The following RWDD2B variants were observed in gnomAD, a reference collection of about 807,000 sequenced individuals.
The protein encoded by RWDD2B is RWD domain-containing protein 2B.
In RWDD2B, 36 loss-of-function variants were observed where a neutral mutation model predicts 33.6. That is an observed-to-expected ratio of 1.07 (90% CI 0.82 to 1.42). The LOEUF (loss-of-function observed/expected upper bound fraction) is 1.42. RWDD2B is among the 40% of genes most tolerant of loss of function. The pLI is 0.00. For missense variants in RWDD2B, 364 were observed against 377.5 expected, an observed-to-expected ratio of 0.96 and a Z score of 0.30; for synonymous variants, 126 against 133.1, an observed-to-expected ratio of 0.95 and a Z score of 0.37.
intron 1 of RWDD2B, among the ~76,000 whole-genome samples, chr21:29,017,182 T>C (rs566404896): frequency 1.3e-5 from 2 of 152,114 alleles, no homozygotes; most frequent in African/African-American, 4.8e-5. Flanking sequence ...CTTATTACTA[T>C]TATTATTATT....
rs964367969 is a variant in RWDD2B at position 29,011,092 on chromosome 21, C to T, written c.68-2471G>A. The stretch of plus-strand genomic sequence containing the variant: ...TGCAGCCTCTGCCCGGCCGCCACCC[C>T]GTCTGGGAAGTGAGGAGCGTCTCTG... On this transcript the variant is annotated intron_variant, in intron 1 of 4. Coordinates refer to ENST00000493196, the MANE Select transcript of RWDD2B (RefSeq NM_016940.3). 5.7e-4 allele frequency among the ~76,000 whole-genome samples: 87 copies of T among 152,076 alleles called. 1 individual carries two copies. Among genetic ancestry groups the T allele is most frequent in the Non-Finnish European group, 2.1e-4 (14 of 67,996 alleles).
chr21:29,012,171 T>G (rs1407966572), intron 1 of RWDD2B, among the ~76,000 whole-genome samples: 15 of 36,260 alleles, frequency 4.1e-4, no homozygotes, highest in South Asian at 1.7e-3. Flanking sequence ...GAGGTGGGGG[T>G]GGTCAGCCCC....
chr21:29,013,545 C>T lies in RWDD2B; in HGVS notation c.68-4924G>A, dbSNP rs1002231924. On this transcript the variant is annotated intron_variant, in intron 1 of 4. Transcript: ENST00000493196. The stretch of plus-strand genomic sequence containing the variant: ...TCTACTAAAAACACAAAAAATTAGC[C>T]GGGCGTGGTGGCCGGCGCCTGTAGT... 7.2e-5 allele frequency among the ~76,000 whole-genome samples: 11 copies of T among 151,966 alleles called. No individual in the cohort carries two copies. In the South Asian group the frequency reaches 1.0e-3, roughly 14 times the overall value.
intron 1 of RWDD2B, among the ~76,000 whole-genome samples, chr21:29,008,896 G>A (rs2084843272): frequency 6.6e-6 from 1 of 152,130 alleles, no homozygotes; most frequent in South Asian, 2.1e-4. Flanking sequence ...CTAGATAGTT[G>A]AGTGGACAAC....
intron 1 of RWDD2B, among the ~76,000 whole-genome samples, chr21:29,017,498 G>A (rs1366774651): frequency 6.6e-6 from 1 of 152,018 alleles, no homozygotes; most frequent in Non-Finnish European, 1.5e-5. Context: ...TGTAGTCCCA[G>A]CTACTAGGGA....
chr21:29,011,487 G>T (rs1231741507), intron 1 of RWDD2B, among the ~76,000 whole-genome samples: 2 of 151,832 alleles, frequency 1.3e-5, no homozygotes, highest in Admixed American at 1.3e-4. Context: ...ACCCCGTCTG[G>T]GAAGTGAGGA....
At chr21:29,012,480 C>A (rs1183532951) in intron 1 of RWDD2B, among the ~76,000 whole-genome samples, 1 of 151,860 alleles carries the variant, frequency 6.6e-6, no homozygotes, top group Non-Finnish European at 1.5e-5. Flanking sequence ...TACCCCCAAC[C>A]CTGTGCTCTC....
chr21:29,010,431 AC>A (rs2084850513), intron 1 of RWDD2B, among the ~76,000 whole-genome samples: 1 of 150,216 alleles, frequency 6.7e-6, no homozygotes, highest in African/African-American at 2.5e-5. Flanking sequence ...ACATAACGAA[AC>A]CCTGTCTCTA....
intron 1 of RWDD2B, among the ~76,000 whole-genome samples, chr21:29,011,453 G>A (rs554611116): frequency 6.6e-4 from 100 of 151,406 alleles, no homozygotes; most frequent in Non-Finnish European, 1.1e-3. Context: ...TCTGAGAAGT[G>A]AGGAGCCCCT....
rs1164526201 is a variant in RWDD2B at position 29,007,662 on chromosome 21, G to A, written c.725+99C>T. ...TTATGGCATCACTGTTTTATGTGTT[G>A]TCCACTGTTGACCAAAACGTCACTA... On this transcript the variant is annotated intron_variant, in intron 4 of 4. Coordinates refer to ENST00000493196, the MANE Select transcript of RWDD2B (RefSeq NM_016940.3). 10 of 1,300,672 alleles carry A rather than the reference G, an allele frequency of 7.7e-6. No individual in the cohort carries two copies. The Admixed American group carries it at 1.8e-4, about 23-fold the overall frequency. 80.6% of individuals were successfully genotyped at this position (1,300,672 alleles called of 1,614,324 possible). A position where few individuals can be genotyped will look rare whatever the true frequency, so the allele number is the denominator to read the frequency against.
Position 29,007,751 on chromosome 21 carries a change from A to G in RWDD2B, c.725+10T>C, listed in dbSNP as rs769650512. Reference sequence around the variant, plus strand: ...TTGACATGACTTCATATACATATGTAAAAGCAAACCTTGACCAGAATTCTT... The same window carrying G: ...TTGACATGACTTCATATACATATGTGAAAGCAAACCTTGACCAGAATTCTT... On this transcript the variant is annotated intron_variant, in intron 4 of 4. Coordinates refer to ENST00000493196, the MANE Select transcript of RWDD2B (RefSeq NM_016940.3). The G allele has an allele frequency of 1.2e-6, 2 of 1,608,126 alleles. No homozygotes were observed. The highest frequency in any genetic ancestry group is 1.1e-5 in the South Asian group (1 of 90,362).
At position 29,005,211 on chromosome 21, in the gene RWDD2B, A is replaced by G. The variant is rs1282615072; in HGVS notation, c.*1206T>C. ...GCCAAACAAATTTTCTAAATTACTA[A>G]TTTGATGAATTGTTGAGGCTTGTTA... On this transcript the variant is annotated 3_prime_UTR_variant, in exon 5 of 5. Coordinates refer to ENST00000493196, the MANE Select transcript of RWDD2B (RefSeq NM_016940.3). 2 of 152,188 alleles carry G rather than the reference A, an allele frequency of 1.3e-5. No homozygotes were observed. Among genetic ancestry groups the G allele is most frequent in the Non-Finnish European group, 2.9e-5 (2 of 68,034 alleles). 9.4% of individuals were successfully genotyped at this position (152,188 alleles called of 1,614,324 possible).
chr21:29,014,035 C>T (rs551163813), intron 1 of RWDD2B, among the ~76,000 whole-genome samples: 17 of 152,120 alleles, frequency 1.1e-4, no homozygotes, highest in South Asian at 2.1e-4. Flanking sequence ...TTTTCTGTTA[C>T]GATAACAGAC....
At position 29,007,919 on chromosome 21, in the gene RWDD2B, T is replaced by G. The variant is rs1339366454; in HGVS notation, c.567A>C (p.Arg189Ser). The part of the protein sequence containing the change: ...TVQSVDLIFT[R>S]LWIYSHHIYN... ...AGATATGATGGCTGTAGATCCAGAG[T>G]CTCGTGAAGATGAGGTCAACTGACT... is the stretch of plus-strand genomic sequence containing the variant. Residue 189 changes from arginine (R) to serine (S), a missense_variant, in exon 4 of 5, where the codon AGA becomes AGC. Physicochemically the swap from Arg to Ser is moderately radical, Grantham distance 110 (BLOSUM62 -1). Transcript: ENST00000493196. The G allele has an allele frequency of 1.2e-6, 2 of 1,614,014 alleles. No individual in the cohort carries two copies. The highest frequency in any genetic ancestry group is 1.7e-6 in the Non-Finnish European group (2 of 1,180,034).
At chr21:29,011,306 A>T (rs1195478772) in intron 1 of RWDD2B, among the ~76,000 whole-genome samples, 1 of 128,656 alleles carries the variant, frequency 7.8e-6, no homozygotes, top group Non-Finnish European at 1.6e-5. Flanking sequence ...TGTGGGGAGC[A>T]CCTCTGCCCT....
At position 29,007,876 on chromosome 21, in the gene RWDD2B, T is replaced by C. The variant is rs1185319078; in HGVS notation, c.610A>G (p.Lys204Glu). ...TCCTTTGCCCACTCTAGAATATTCT[T>C]TCTTTTGCATTTGTTATAGATATGA... ...SHHIYNKCKRKNILEWAKELS... is the reference protein window; with the variant it reads ...SHHIYNKCKRENILEWAKELS... Residue 204 changes from lysine (K) to glutamate (E), a missense_variant, in exon 4 of 5, where the codon AAG becomes GAG. Physicochemically the swap from Lys to Glu is moderately conservative, Grantham distance 56. Transcript: ENST00000493196. 1.2e-6 allele frequency: 2 copies of C among 1,614,240 alleles called. No homozygotes were observed. Among genetic ancestry groups the C allele is most frequent in the Admixed American group, 1.7e-5 (1 of 60,028 alleles).
rs2084821183 is a variant in RWDD2B, at chr21:29,004,913, T to G, written c.*1504A>C. 6.6e-6 allele frequency: 1 copy of G among 152,274 alleles called. No homozygotes were observed. Among genetic ancestry groups the G allele is most frequent in the South Asian group, 2.1e-4 (1 of 4,836 alleles). 9.4% of individuals were successfully genotyped at this position (152,274 alleles called of 1,614,324 possible). ...GATTCATTTTGTGATAAGCATAGTTTGCCTACAACCTTTTACTAACTTAAT... is the reference window on the plus strand; with the variant it reads ...GATTCATTTTGTGATAAGCATAGTTGGCCTACAACCTTTTACTAACTTAAT... On this transcript the variant is annotated 3_prime_UTR_variant, in exon 5 of 5. Transcript: ENST00000493196.
intron 1 of RWDD2B, among the ~76,000 whole-genome samples, chr21:29,018,835 T>G (rs747914573): frequency 3.3e-5 from 5 of 152,180 alleles, no homozygotes; most frequent in Non-Finnish European, 7.3e-5. Context: ...TATTATTTTT[T>G]TAAAAAATAA....
rs1568868156 is a variant in RWDD2B at position 29,006,398 on chromosome 21, C to G, written c.*19G>C. 1 of 1,487,022 alleles carries G rather than the reference C, an allele frequency of 6.7e-7. No individual in the cohort carries two copies. Among genetic ancestry groups the G allele is most frequent in the African/African-American group, 1.4e-5 (1 of 70,872 alleles). The allele number at this position is 1,487,022 out of a possible 1,614,324, so 92.1% of individuals were successfully genotyped here. On this transcript the variant is annotated 3_prime_UTR_variant, in exon 5 of 5. Coordinates refer to ENST00000493196, the MANE Select transcript of RWDD2B (RefSeq NM_016940.3). ...TCAAAAGGCCAACAGTGGCAAGATA[C>G]TTTCAACTACTCTTGATGTCATTGT...
Sources: allele counts gnomAD v4.1 joint callset (sites outside exome capture counted in the v4.1 genomes callset), GRCh38; gene constraint gnomAD v4.1.1; transcripts MANE v1.5; gene names NCBI Gene and HGNC (gene_info 2026-07-23, HGNC 2026-07-21).